Variants in AGBL1 observed in about 807,000 individuals in gnomAD.
AGBL1 encodes cytosolic carboxypeptidase 4.
AGBL1 carries 130 observed loss-of-function variants against 118.9 expected under a neutral mutation model. That is an observed-to-expected ratio of 1.09 (90% confidence interval 0.95 to 1.26). The LOEUF (loss-of-function observed/expected upper bound fraction) is 1.26. Ranked by LOEUF, AGBL1 falls within the 50% of genes most tolerant of loss-of-function variation. The pLI is 0.00. For synonymous variants in AGBL1, 555 were observed against 478.9 expected, an observed-to-expected ratio of 1.16 and a Z score of -2.08; for missense variants, 1,584 against 1,298.1, an observed-to-expected ratio of 1.22 and a Z score of -3.38.
At chr15:86,547,374 G>A (rs2083597598) in intron 20 of AGBL1, among the ~76,000 whole-genome samples, 1 of 151,988 alleles carries the variant, frequency 6.6e-6, no homozygotes, top group Non-Finnish European at 1.5e-5. Flanking sequence ...CTTTTTCCAA[G>A]GGAAGGTAAT....
intron 17 of AGBL1, among the ~76,000 whole-genome samples, chr15:86,373,976 G>A (rs2081003213): frequency 6.6e-6 from 1 of 152,130 alleles, no homozygotes; most frequent in Non-Finnish European, 1.5e-5. Flanking sequence ...CCCTAGACAA[G>A]GTCCTGTGGC....
chr15:86,718,645 T>A (rs186772058), intron 22 of AGBL1, among the ~76,000 whole-genome samples: 1 of 152,118 alleles, frequency 6.6e-6, no homozygotes, highest in East Asian at 1.9e-4. Flanking sequence ...GATGGAGGCA[T>A]CCGATGAGAA....
intron 21 of AGBL1, among the ~76,000 whole-genome samples, chr15:86,644,997 G>T (rs2085254367): frequency 6.6e-6 from 1 of 151,904 alleles, no homozygotes; most frequent in African/African-American, 2.4e-5. Context: ...CTCCAGCCTG[G>T]GTGACAAGAG....
chr15:86,900,018 CT>C (rs1452528688), intron 22 of AGBL1, among the ~76,000 whole-genome samples: 1 of 152,146 alleles, frequency 6.6e-6, no homozygotes, highest in Non-Finnish European at 1.5e-5. Flanking sequence ...TGGCCTTCAT[CT>C]TTCTCCCGTG....
chr15:86,781,520 T>C (rs979880545), intron 22 of AGBL1, among the ~76,000 whole-genome samples: 3 of 152,230 alleles, frequency 2.0e-5, no homozygotes, highest in African/African-American at 7.2e-5. Context: ...TGAGGATTTT[T>C]AGGACTCTTA....
At chr15:86,775,565 G>C (rs1272343005) in intron 22 of AGBL1, among the ~76,000 whole-genome samples, 1 of 152,046 alleles carries the variant, frequency 6.6e-6, no homozygotes, top group Non-Finnish European at 1.5e-5. Flanking sequence ...CTCTGAAGAA[G>C]ATCACTTGGC....
chr15:86,703,565 C>T (rs1032306099), intron 22 of AGBL1, among the ~76,000 whole-genome samples: 35 of 152,212 alleles, frequency 2.3e-4, no homozygotes, highest in African/African-American at 8.4e-4. Context: ...TACGGTTTGT[C>T]TCTGTGTCCC....
intron 22 of AGBL1, among the ~76,000 whole-genome samples, chr15:86,796,121 G>GATGA (rs1481142048): frequency 6.6e-6 from 1 of 152,100 alleles, no homozygotes; most frequent in Non-Finnish European, 1.5e-5. Context: ...CTTGGGCCCA[G>GATGA]ATGAATGAAT....
chr15:86,131,490 A>C (rs1056105730), intron 1 of AGBL1, among the ~76,000 whole-genome samples: 3 of 147,726 alleles, frequency 2.0e-5, no homozygotes, highest in African/African-American at 7.3e-5. Flanking sequence ...TAAAATAGTA[A>C]GAAAGTTTAT....
intron 21 of AGBL1, among the ~76,000 whole-genome samples, chr15:86,629,647 T>A (rs1328033588): frequency 2.6e-5 from 4 of 152,256 alleles, no homozygotes; most frequent in Non-Finnish European, 4.4e-5. Context: ...AGGTTTAATT[T>A]TTTATGTTTG....
chr15:86,776,173 T>G (rs1232043366), intron 22 of AGBL1, among the ~76,000 whole-genome samples: 1 of 152,168 alleles, frequency 6.6e-6, no homozygotes, highest in Non-Finnish European at 1.5e-5. Context: ...TTCTAATGGC[T>G]GTATATGCTC....
intron 18 of AGBL1, among the ~76,000 whole-genome samples, chr15:86,401,035 A>G (rs988922494): frequency 6.6e-6 from 1 of 152,166 alleles, no homozygotes; most frequent in Non-Finnish European, 1.5e-5. Context: ...AGGAATCTCC[A>G]TACTGTTCTT....
chr15:86,695,514 A>G (rs1044024075), intron 22 of AGBL1, among the ~76,000 whole-genome samples: 6 of 151,930 alleles, frequency 3.9e-5, no homozygotes, highest in African/African-American at 1.4e-4. Context: ...CTAATGGTCT[A>G]TCAATTTTAT....
At chr15:86,876,820 T>C (rs1258479891) in intron 22 of AGBL1, among the ~76,000 whole-genome samples, 2 of 152,152 alleles carry the variant, frequency 1.3e-5, no homozygotes, top group East Asian at 3.9e-4. Flanking sequence ...CACGTGTACT[T>C]TGGGCTCCCT....
chr15:86,453,697 A>G (rs1391200137), intron 18 of AGBL1, among the ~76,000 whole-genome samples: 1 of 152,184 alleles, frequency 6.6e-6, no homozygotes, highest in Non-Finnish European at 1.5e-5. Flanking sequence ...AACTGATTTC[A>G]GTGTTTACAT....
At chr15:87,014,750 G>T (rs1030788297) in intron 24 of AGBL1, among the ~76,000 whole-genome samples, 5 of 152,104 alleles carry the variant, frequency 3.3e-5, no homozygotes, top group African/African-American at 1.2e-4. Context: ...AGGCTCAGTG[G>T]GGGAATACCT....
At chr15:86,701,139 G>A (rs1486323940) in intron 22 of AGBL1, among the ~76,000 whole-genome samples, 1 of 152,124 alleles carries the variant, frequency 6.6e-6, no homozygotes, top group Non-Finnish European at 1.5e-5. Context: ...TTAATTTTGT[G>A]CCTGCTTTGG....
At chr15:86,107,667 A>G (rs1185258648) in intron 1 of AGBL1, 1 of 152,232 alleles carries the variant, frequency 6.6e-6, no homozygotes, top group Non-Finnish European at 1.5e-5. Flanking sequence ...AGAATTCATC[A>G]GTGGGGATGG....
intron 6 of AGBL1, among the ~76,000 whole-genome samples, chr15:86,245,370 G>C (rs1021962865): frequency 8.5e-5 from 13 of 152,128 alleles, no homozygotes; most frequent in African/African-American, 3.1e-4. Flanking sequence ...TGTCTCATAC[G>C]CCAGTGTGAA....
Sources: allele counts gnomAD v4.1 joint callset (sites outside exome capture counted in the v4.1 genomes callset), GRCh38; gene constraint gnomAD v4.1.1; transcripts MANE v1.5; gene names NCBI Gene and HGNC (gene_info 2026-07-23, HGNC 2026-07-21).